Variants in PTPRD observed in about 807,000 individuals in gnomAD.
The protein encoded by PTPRD is protein tyrosine phosphatase receptor type D, also known as receptor-type tyrosine-protein phosphatase delta.
PTPRD carries 34 observed loss-of-function variants against 214.5 expected under a neutral mutation model. That is an observed-to-expected ratio of 0.16 (90% CI 0.12 to 0.21). The LOEUF (loss-of-function observed/expected upper bound fraction) is 0.21. PTPRD is among the 10% of genes least tolerant of loss of function. PTPRD has a pLI of 1.00. For missense variants in PTPRD, 2,545 were observed against 2,398.7 expected (o/e 1.06, Z -1.27); for synonymous variants, 1,128 against 845.7 (o/e 1.33, Z -5.79).
chr9:9,334,869 A>G (rs1200148332), intron 9 of PTPRD, among the ~76,000 whole-genome samples: 1 of 152,016 alleles, frequency 6.6e-6, no homozygotes, highest in Non-Finnish European at 1.5e-5. Context: ...TAGGTAAGAA[A>G]TCAACATTAG....
chr9:10,083,970 C>A (rs1349819866), intron 3 of PTPRD, among the ~76,000 whole-genome samples: 1 of 151,950 alleles, frequency 6.6e-6, no homozygotes, highest in East Asian at 1.9e-4. Context: ...GAATAGAGAA[C>A]TAGGCTCAAG....
intron 2 of PTPRD, among the ~76,000 whole-genome samples, chr9:10,556,222 T>G (rs2062554543): frequency 6.6e-6 from 1 of 151,964 alleles, no homozygotes; most frequent in Admixed American, 6.6e-5. Flanking sequence ...GAGAAATTAC[T>G]AAGTAGATCA....
intron 5 of PTPRD, among the ~76,000 whole-genome samples, chr9:9,792,954 G>A (rs1223926498): frequency 2.0e-5 from 3 of 151,974 alleles, no homozygotes; most frequent in Admixed American, 1.3e-4. Flanking sequence ...TGGGCAAACA[G>A]GTATTTTGAA....
chr9:8,529,879 T>C (rs1300930999), intron 14 of PTPRD, among the ~76,000 whole-genome samples: 1 of 152,260 alleles, frequency 6.6e-6, no homozygotes, highest in African/African-American at 2.4e-5. Context: ...CCATGTTGAT[T>C]TGCTGTACCC....
chr9:9,053,745 G>A (rs1240305119), intron 10 of PTPRD, among the ~76,000 whole-genome samples: 1 of 152,062 alleles, frequency 6.6e-6, no homozygotes, highest in African/African-American at 2.4e-5. Context: ...TATTAGCCTG[G>A]GTTGTAGTGT....
intron 5 of PTPRD, among the ~76,000 whole-genome samples, chr9:9,843,737 T>C (rs2058850638): frequency 6.6e-6 from 1 of 151,920 alleles, no homozygotes; most frequent in African/African-American, 2.4e-5. Context: ...TAAGCAAAAA[T>C]ATGTATAAAA....
At chr9:9,569,747 C>T (rs1000195735) in intron 8 of PTPRD, among the ~76,000 whole-genome samples, 15 of 151,438 alleles carry the variant, frequency 9.9e-5, no homozygotes, top group South Asian at 2.1e-4. Context: ...ATGTCGGGAA[C>T]GGGGGAAGGC....
chr9:8,771,318 T>C (rs575719334), intron 11 of PTPRD, among the ~76,000 whole-genome samples: 1 of 152,226 alleles, frequency 6.6e-6, no homozygotes, highest in Non-Finnish European at 1.5e-5. Context: ...AAACCAGGCA[T>C]GTATGCAAGT....
At chr9:8,486,789 A>G (rs1211582278) in intron 27 of PTPRD, among the ~76,000 whole-genome samples, 2 of 152,306 alleles carry the variant, frequency 1.3e-5, no homozygotes, top group Middle Eastern at 3.4e-3. Context: ...AGTATTCACA[A>G]TTGGTTTACA....
intron 4 of PTPRD, among the ~76,000 whole-genome samples, chr9:9,947,464 C>CTA (rs1491491927): frequency 0.026 from 497 of 18,822 alleles, 60 homozygotes; most frequent in African/African-American, 0.17. Flanking sequence ...TTTATATATA[C>CTA]TATATATTAT....
At chr9:8,822,693 T>A (rs1050938414) in intron 11 of PTPRD, among the ~76,000 whole-genome samples, 3 of 152,152 alleles carry the variant, frequency 2.0e-5, no homozygotes, top group Admixed American at 2.0e-4. Flanking sequence ...GGGGCTATTA[T>A]TTTTATACCC....
chr9:9,697,375 A>G (rs1427267831), intron 7 of PTPRD, among the ~76,000 whole-genome samples: 1 of 152,112 alleles, frequency 6.6e-6, no homozygotes, highest in Non-Finnish European at 1.5e-5. Flanking sequence ...TCTGATGGTT[A>G]TAAGTTCCCC....
chr9:8,711,613 G>C (rs2098333678), intron 12 of PTPRD, among the ~76,000 whole-genome samples: 1 of 152,130 alleles, frequency 6.6e-6, no homozygotes, highest in Non-Finnish European at 1.5e-5. Flanking sequence ...TGATTGCCCA[G>C]CAGGACCATG....
At chr9:9,376,066 C>T (rs921317837) in intron 9 of PTPRD, among the ~76,000 whole-genome samples, 1 of 118,324 alleles carries the variant, frequency 8.5e-6, no homozygotes, top group Non-Finnish European at 1.7e-5. Flanking sequence ...AAAATGAGAA[C>T]TTGCTCATCA....
At chr9:9,155,113 C>T (rs977066560) in intron 10 of PTPRD, among the ~76,000 whole-genome samples, 4 of 152,058 alleles carry the variant, frequency 2.6e-5, no homozygotes, top group Admixed American at 6.6e-5. Context: ...TTATGTAGTA[C>T]GAAATGACGA....
At chr9:9,805,643 T>C (rs2099068443) in intron 5 of PTPRD, among the ~76,000 whole-genome samples, 1 of 152,194 alleles carries the variant, frequency 6.6e-6, no homozygotes, top group South Asian at 2.1e-4. Context: ...GCCTTTATTA[T>C]TGGTGCTAGA....
chr9:10,302,584 T>C (rs1281126355), intron 3 of PTPRD, among the ~76,000 whole-genome samples: 2 of 151,806 alleles, frequency 1.3e-5, no homozygotes, highest in Non-Finnish European at 2.9e-5. Context: ...ACCAAGCAAA[T>C]AGAAAGCAAA....
intron 11 of PTPRD, among the ~76,000 whole-genome samples, chr9:8,988,675 G>A (rs967129805): frequency 3.3e-5 from 5 of 150,218 alleles, no homozygotes; most frequent in East Asian, 4.2e-4. Flanking sequence ...TTAACATTAC[G>A]ATTTTTTTAG....
chr9:8,740,814 C>T (rs1054691118), intron 11 of PTPRD, among the ~76,000 whole-genome samples: 1 of 152,128 alleles, frequency 6.6e-6, no homozygotes, highest in Non-Finnish European at 1.5e-5. Context: ...TCAATCATCT[C>T]ATTTTTGGCT....
Sources: allele counts gnomAD v4.1 joint callset (sites outside exome capture counted in the v4.1 genomes callset), GRCh38; gene constraint gnomAD v4.1.1; transcripts MANE v1.5; gene names NCBI Gene and HGNC (gene_info 2026-07-23, HGNC 2026-07-21).